IRF2: variants seen among roughly 807,000 people sequenced by gnomAD.
The protein encoded by IRF2 is interferon regulatory factor 2.
Under a neutral mutation model 40.6 loss-of-function variants are expected in IRF2, and 15 were observed. The observed-to-expected ratio is 0.37, with a 90% CI of 0.25 to 0.57. The LOEUF (loss-of-function observed/expected upper bound fraction) is 0.57. IRF2 is among the 20% of genes least tolerant of loss of function. The probability of loss-of-function intolerance (pLI) is 0.77; values close to 1 mark genes in which losing one functional copy is unlikely to be tolerated. For synonymous variants in IRF2, 151 were observed against 165.5 expected, an observed-to-expected ratio of 0.91 and a Z score of 0.67; for missense variants, 317 against 455.7, an observed-to-expected ratio of 0.70 and a Z score of 2.77.
chr4:184,461,830 A>G (rs1476844976), intron 1 of IRF2, among the ~76,000 whole-genome samples: 1 of 152,138 alleles, frequency 6.6e-6, no homozygotes, highest in East Asian at 1.9e-4. Flanking sequence ...GACTTCACCA[A>G]TAGTCAGGAT....
intron 1 of IRF2, among the ~76,000 whole-genome samples, chr4:184,462,695 G>C (rs1283073456): frequency 6.6e-6 from 1 of 152,178 alleles, no homozygotes; most frequent in African/African-American, 2.4e-5. Context: ...TTTTTTAAAG[G>C]TCTGGATACA....
At chr4:184,407,070 A>C (rs747548436) in intron 6 of IRF2, 1 of 553,918 alleles carries the variant, frequency 1.8e-6, no homozygotes, top group Non-Finnish European at 3.0e-6. Context: ...ATCAAGAAAC[A>C]CAACAGGGTT....
chr4:184,470,706 A>T (rs973458853), intron 1 of IRF2, among the ~76,000 whole-genome samples: 1 of 842 alleles, frequency 1.2e-3, no homozygotes, highest in Non-Finnish European at 4.5e-3. Context: ...AAAAAAAAAG[A>T]AAAGAAAAAA....
chr4:184,465,696 C>T (rs1739293415), intron 1 of IRF2, among the ~76,000 whole-genome samples: 1 of 152,122 alleles, frequency 6.6e-6, no homozygotes, highest in African/African-American at 2.4e-5. Flanking sequence ...TATAAGCTAC[C>T]TATAGTCTGT....
At chr4:184,418,416 A>G in intron 4 of IRF2, 116 bp downstream of exon 4, 1 of 1,048,314 alleles carries the variant, frequency 9.5e-7, no homozygotes, top group South Asian at 1.4e-5. Context: ...ATGATCCCCT[A>G]CAGCATGAAC....
chr4:184,453,179 A>G (rs1738789352), intron 1 of IRF2, among the ~76,000 whole-genome samples: 2 of 152,252 alleles, frequency 1.3e-5, no homozygotes, highest in African/African-American at 2.4e-5. Context: ...ATGAAAATCT[A>G]AGAGTATTTT....
chr4:184,390,557 G>T, intron 8 of IRF2, 146 bp downstream of exon 8: 7 of 718,218 alleles, frequency 9.7e-6, no homozygotes, highest in Admixed American at 2.6e-5. Flanking sequence ...GTAAATTCTG[G>T]TGATGCATAT....
At chr4:184,455,489 T>C (rs1738891174) in intron 1 of IRF2, among the ~76,000 whole-genome samples, 1 of 151,378 alleles carries the variant, frequency 6.6e-6, no homozygotes, top group Non-Finnish European at 1.5e-5. Flanking sequence ...CTTCAGGTAC[T>C]TGGCAACGGG....
chr4:184,417,327 T>C (rs373262974), intron 5 of IRF2, among the ~76,000 whole-genome samples: 52 of 152,262 alleles, frequency 3.4e-4, no homozygotes, highest in African/African-American at 1.2e-3. Flanking sequence ...AAATAAAAAC[T>C]AGTAAAAGTG....
At chr4:184,467,967 A>C (rs1048214962) in intron 1 of IRF2, among the ~76,000 whole-genome samples, 1 of 152,226 alleles carries the variant, frequency 6.6e-6, no homozygotes, top group Non-Finnish European at 1.5e-5. Context: ...TGGGATAAAA[A>C]TACTTAGAAT....
rs187037429 is a variant in IRF2, at chr4:184,387,950, T to A, written c.*808A>T. On this transcript the variant is annotated 3_prime_UTR_variant, in exon 9 of 9. Transcript: ENST00000393593. ...ATTTTATTTAGAATTTTACCTTGAA[T>A]AAAATATTCCCCTGTATAAAAAATA... is the stretch of plus-strand genomic sequence containing the variant. 9.6e-4 allele frequency: 146 copies of A among 152,740 alleles called. No individual in the cohort carries two copies. Among genetic ancestry groups the A allele is most frequent in the Non-Finnish European group, 1.6e-3 (108 of 68,016 alleles). The allele number at this position is 152,740 out of a possible 1,614,324, so 9.5% of individuals were successfully genotyped here.
intron 1 of IRF2, among the ~76,000 whole-genome samples, chr4:184,473,121 AC>A (rs1405160137): frequency 6.6e-6 from 1 of 151,470 alleles, no homozygotes; most frequent in Non-Finnish European, 1.5e-5. Context: ...GGCGAGCCCT[AC>A]CGGCGAGGCG....
chr4:184,428,993 G>A lies in IRF2; in HGVS notation c.72C>T (p.Leu24=). The A allele has an allele frequency of 6.2e-7, 1 of 1,614,090 alleles. No homozygotes were observed. The highest frequency in any genetic ancestry group is 8.5e-7 in the Non-Finnish European group (1 of 1,179,934). ...EQINSNTIPG[L]KWLNKEKKIF... ...ACCCACTCACCTTGTTAAGCCACTT[G>A]AGCCCCGGGATCGTGTTGGAGTTTA... Residue 24 remains leucine (L), a synonymous_variant, in exon 2 of 9, where the codon CTC becomes CTT. Transcript: ENST00000393593.
chr4:184,460,104 A>G (rs1215478784), intron 1 of IRF2, among the ~76,000 whole-genome samples: 1 of 152,266 alleles, frequency 6.6e-6, no homozygotes, highest in Non-Finnish European at 1.5e-5. Flanking sequence ...AGTATCTACC[A>G]ACAGATGAAT....
chr4:184,402,279 G>GGCACA (rs1053762295), intron 6 of IRF2, among the ~76,000 whole-genome samples: 1 of 152,184 alleles, frequency 6.6e-6, no homozygotes, highest in African/African-American at 2.4e-5. Context: ...ATGAGGTAGT[G>GGCACA]GCACAGGAGT....
chr4:184,436,639 G>A (rs1258744034), intron 1 of IRF2, among the ~76,000 whole-genome samples: 1 of 152,140 alleles, frequency 6.6e-6, no homozygotes, highest in African/African-American at 2.4e-5. Context: ...CTTAATGGAT[G>A]GGGAGGTGCT....
chr4:184,438,302 G>A (rs1738163463), intron 1 of IRF2, among the ~76,000 whole-genome samples: 1 of 152,162 alleles, frequency 6.6e-6, no homozygotes, highest in Admixed American at 6.5e-5. Context: ...CTAGACCTGT[G>A]TTTTGCAAGT....
At chr4:184,450,007 C>T (rs764350092) in intron 1 of IRF2, among the ~76,000 whole-genome samples, 1 of 152,152 alleles carries the variant, frequency 6.6e-6, no homozygotes. Context: ...GCAGGCTCAC[C>T]GTCTTCTATT....
At chr4:184,396,633 A>G (rs1736475942) in intron 7 of IRF2, among the ~76,000 whole-genome samples, 1 of 151,724 alleles carries the variant, frequency 6.6e-6, no homozygotes, top group East Asian at 1.9e-4. Flanking sequence ...GTGTGGTCTC[A>G]CTATGTTGCC....
Sources: gnomAD v4.1 joint callset for allele counts (sites outside exome capture counted in the v4.1 genomes callset) on GRCh38, gnomAD v4.1.1 for gene constraint, MANE v1.5 for transcripts, NCBI Gene and HGNC (gene_info 2026-07-23, HGNC 2026-07-21) for gene names.